The following SDF2 variants were observed in gnomAD, a reference collection of about 807,000 sequenced individuals.
The protein encoded by SDF2 is stromal cell derived factor 2.
A neutral mutation model predicts 20.5 loss-of-function variants in SDF2; 12 were observed. The observed-to-expected ratio is 0.58, with a 90% CI of 0.37 to 0.95. SDF2 has a LOEUF of 0.95. Ranked by LOEUF, SDF2 falls within the 40% of genes least tolerant of loss-of-function variation. The pLI, the probability that SDF2 is intolerant of heterozygous loss-of-function variation, is 0.01. For synonymous variants in SDF2, 100 were observed against 101.0 expected (o/e 0.99, Z 0.06); for missense variants, 238 against 263.1 (o/e 0.90, Z 0.66).
intron 1 of SDF2, chr17:28,656,156 A>T (rs2071960687): frequency 6.6e-6 from 1 of 152,168 alleles, no homozygotes; most frequent in Admixed American, 6.5e-5. Flanking sequence ...AAATATTTAT[A>T]AAAAATACAA....
Position 28,661,778 on chromosome 17 carries a change from G to A in SDF2, c.99C>T (p.Leu33=), listed in dbSNP as rs1247522132. Residue 33 remains leucine (L), a synonymous_variant, in exon 1 of 3, where the codon CTC becomes CTT. Transcript: ENST00000247020. ...VVTCGSVVKL[L]NTRHNVRLHS... is the part of the protein sequence containing the mutation. Reference sequence around the variant, plus strand: ...GCAGTCGGACGTTGTGGCGCGTATTGAGTAGCTTCACCACGGAGCCGCAAG... The same window carrying A: ...GCAGTCGGACGTTGTGGCGCGTATTAAGTAGCTTCACCACGGAGCCGCAAG... 1 of 1,613,924 alleles carries A rather than the reference G, an allele frequency of 6.2e-7. No individual in the cohort carries two copies. Among genetic ancestry groups the A allele is most frequent in the African/African-American group, 1.3e-5 (1 of 74,864 alleles).
At chr17:28,653,996 CCT>C (rs1258375504) in intron 2 of SDF2, among the ~76,000 whole-genome samples, 3 of 152,046 alleles carry the variant, frequency 2.0e-5, no homozygotes, top group Non-Finnish European at 4.4e-5. Flanking sequence ...GTCCACATCC[CCT>C]GACAACTCAA....
chr17:28,658,902 C>A (rs1168404705), intron 1 of SDF2, among the ~76,000 whole-genome samples: 5 of 147,342 alleles, frequency 3.4e-5, no homozygotes, highest in African/African-American at 1.3e-4. Context: ...ACTTCCCAGA[C>A]AGGGTGGCCG....
At chr17:28,662,113 C>T (rs1190082976), upstream of SDF2, 19 of 432,920 alleles carry the variant, frequency 4.4e-5, no homozygotes, top group Admixed American at 1.6e-4. Context: ...TTACCTTTCG[C>T]ACCCACGAGA....
intron 1 of SDF2, 33 bp from the exon 2 acceptor site, chr17:28,655,516 C>T: frequency 1.3e-6 from 2 of 1,538,788 alleles, no homozygotes; most frequent in East Asian, 2.3e-5. Context: ...AACTCTCTTT[C>T]TCTGCCATGG....
At chr17:28,656,843 AT>A (rs1364019208) in intron 1 of SDF2, among the ~76,000 whole-genome samples, 2 of 152,184 alleles carry the variant, frequency 1.3e-5, no homozygotes, top group Non-Finnish European at 2.9e-5. Flanking sequence ...TATGATAAAA[AT>A]TTTTGTATTT....
chr17:28,653,729 T>C (rs1332920309), intron 2 of SDF2, among the ~76,000 whole-genome samples: 1 of 151,900 alleles, frequency 6.6e-6, no homozygotes, highest in Non-Finnish European at 1.5e-5. Flanking sequence ...AGAGAATAGC[T>C]TGAACCTGGG....
At chr17:28,650,821 A>AC (rs2071908391) in intron 2 of SDF2, among the ~76,000 whole-genome samples, 1 of 151,326 alleles carries the variant, frequency 6.6e-6, no homozygotes. Flanking sequence ...AAAAAAAAAA[A>AC]AAAAAAAAAA....
intron 1 of SDF2, chr17:28,660,916 CTTTCT>C (rs916360840): frequency 6.3e-6 from 1 of 157,992 alleles, no homozygotes; most frequent in Non-Finnish European, 1.4e-5. Context: ...GCAGATAAGA[CTTTCT>C]TTTTTTAGTC....
At chr17:28,651,377 A>G (rs1057138677) in intron 2 of SDF2, 1 of 152,142 alleles carries the variant, frequency 6.6e-6, no homozygotes, top group African/African-American at 2.4e-5. Flanking sequence ...AAAATACTTT[A>G]TATCTCTTGT....
intron 2 of SDF2, among the ~76,000 whole-genome samples, chr17:28,652,969 GTT>G (rs1473643038): frequency 6.6e-6 from 1 of 152,114 alleles, no homozygotes; most frequent in Admixed American, 6.5e-5. Flanking sequence ...CTATCCATAA[GTT>G]TATACTAATG....
At position 28,655,491 on chromosome 17, in the gene SDF2, TAAGAA is replaced by T. The variant is rs2071953720; in HGVS notation, c.152-13_152-9del. On this transcript the variant is annotated splice_polypyrimidine_tract_variant and intron_variant, in intron 1 of 2. Transcript: ENST00000247020. The stretch of plus-strand genomic sequence containing the variant: ...CTGACTGCTGCCCACTACCTGCAGT[TAAGAA>T]AAGAAAGGCAACTCTCTTTCTCTGC... The T allele has an allele frequency of 5.7e-6, 9 of 1,573,868 alleles. No homozygotes were observed. The highest frequency in any genetic ancestry group is 2.3e-5 in the South Asian group (2 of 85,438).
intron 1 of SDF2, among the ~76,000 whole-genome samples, chr17:28,659,871 T>C (rs908485209): frequency 2.6e-5 from 4 of 152,252 alleles, no homozygotes; most frequent in Admixed American, 2.0e-4. Flanking sequence ...TCTTAGCACT[T>C]TGGGAGGCCA....
chr17:28,651,578 C>G (rs1302465502), intron 2 of SDF2: 3 of 152,196 alleles, frequency 2.0e-5, no homozygotes, highest in Non-Finnish European at 4.4e-5. Flanking sequence ...TACAGAGCAA[C>G]TGTGAGAATT....
chr17:28,659,071 T>C (rs1453981631), intron 1 of SDF2, among the ~76,000 whole-genome samples: 11 of 98,628 alleles, frequency 1.1e-4, no homozygotes, highest in Non-Finnish European at 1.2e-4. Flanking sequence ...CAGGCAGAGG[T>C]GCTCCTCAAC....
intron 1 of SDF2, chr17:28,661,051 AATTT>A (rs1372195749): frequency 1.0e-5 from 4 of 391,146 alleles, no homozygotes; most frequent in Admixed American, 3.5e-5. Context: ...ATCCACAAAT[AATTT>A]ATTACTAAAC....
chr17:28,651,796 G>C (rs1020820820), intron 2 of SDF2, among the ~76,000 whole-genome samples: 2 of 152,104 alleles, frequency 1.3e-5, no homozygotes, highest in Non-Finnish European at 2.9e-5. Context: ...GTGTGTGTGT[G>C]TGTGTACACT....
chr17:28,651,281 C>T (rs2071913047), intron 2 of SDF2, among the ~76,000 whole-genome samples: 1 of 152,192 alleles, frequency 6.6e-6, no homozygotes, highest in Non-Finnish European at 1.5e-5. Flanking sequence ...CCAGGCTGGT[C>T]TCAAACTCCC....
At chr17:28,652,940 GA>G (rs1332879854) in intron 2 of SDF2, among the ~76,000 whole-genome samples, 1 of 152,146 alleles carries the variant, frequency 6.6e-6, no homozygotes, top group Non-Finnish European at 1.5e-5. Flanking sequence ...AGTAGCATTA[GA>G]TTATAACGAA....
Sources: allele counts gnomAD v4.1 joint callset (sites outside exome capture counted in the v4.1 genomes callset), GRCh38; gene constraint gnomAD v4.1.1; transcripts MANE v1.5; gene names NCBI Gene and HGNC (gene_info 2026-07-23, HGNC 2026-07-21).